The following FIRRM variants were observed in gnomAD, a reference collection of about 807,000 sequenced individuals.
FIRRM encodes the protein FIGNL1 interacting regulator of recombination and mitosis, also known as FIGNL1-interacting regulator of recombination and mitosis.
the FIRRM span, chr1:169,792,579 A>G: frequency 6.5e-7 from 1 of 1,528,156 alleles, no homozygotes; most frequent in African/African-American, 1.4e-5. Context: ...AATGTTAATT[A>G]ACCAGGAAAC....
the FIRRM span, among the ~76,000 whole-genome samples, chr1:169,834,932 AG>A: frequency 3.3e-5 from 5 of 152,216 alleles, no homozygotes; most frequent in Non-Finnish European, 5.9e-5. Context: ...GGGTGTTTGT[AG>A]CTGAGACAGT....
the FIRRM span, chr1:169,852,916 CT>C: frequency 6.2e-7 from 1 of 1,614,144 alleles, no homozygotes; most frequent in East Asian, 2.2e-5. Context: ...TCCAGCCTGG[CT>C]TTCAATGGAA....
chr1:169,844,492 G>A, the FIRRM span, among the ~76,000 whole-genome samples: 1 of 152,190 alleles, frequency 6.6e-6, no homozygotes, highest in African/African-American at 2.4e-5. Flanking sequence ...TCTTATTTAT[G>A]AAGATGATCG....
chr1:169,849,380 G>A, the FIRRM span: 1 of 676,564 alleles, frequency 1.5e-6, no homozygotes, highest in African/African-American at 1.8e-5. Context: ...GTTTTAGTGT[G>A]TGTCCCCTGG....
chr1:169,828,469 T>G, the FIRRM span, among the ~76,000 whole-genome samples: 1 of 152,180 alleles, frequency 6.6e-6, no homozygotes, highest in Admixed American at 6.5e-5. Context: ...ACATATTCCT[T>G]GCTTCTGTCA....
the FIRRM span, among the ~76,000 whole-genome samples, chr1:169,840,155 G>C: frequency 6.6e-6 from 1 of 152,160 alleles, no homozygotes; most frequent in African/African-American, 2.4e-5. Flanking sequence ...GTCAAGTCAC[G>C]TGATGCCTCT....
chr1:169,853,732 C>CT, the FIRRM span: 27 of 1,613,636 alleles, frequency 1.7e-5, no homozygotes, highest in South Asian at 2.9e-4. Flanking sequence ...ATTATCTTCC[C>CT]AGTTCAGCTC....
At chr1:169,843,730 A>AT in the FIRRM span, 2 of 1,612,196 alleles carry the variant, frequency 1.2e-6, no homozygotes, top group Non-Finnish European at 1.7e-6. Context: ...CACTGTTGGG[A>AT]TTTTTCATTC....
the FIRRM span, among the ~76,000 whole-genome samples, chr1:169,845,425 C>T: frequency 3.5e-4 from 54 of 152,164 alleles, no homozygotes; most frequent in African/African-American, 1.1e-3. Flanking sequence ...ACAATGAAGT[C>T]TGCCACATCA....
chr1:169,815,286 ACT>A, the FIRRM span, among the ~76,000 whole-genome samples: 1 of 146,760 alleles, frequency 6.8e-6, no homozygotes, highest in East Asian at 2.0e-4. Context: ...ACAGAGCAAG[ACT>A]CTGTCTCAAA....
chr1:169,786,622 C>T, the FIRRM span, among the ~76,000 whole-genome samples: 8 of 152,040 alleles, frequency 5.3e-5, no homozygotes, highest in Admixed American at 5.2e-4. Context: ...TTAAAATAAG[C>T]GCACCATCTA....
chr1:169,833,538 T>C, the FIRRM span, among the ~76,000 whole-genome samples: 2 of 152,204 alleles, frequency 1.3e-5, no homozygotes, highest in South Asian at 4.1e-4. Context: ...TTGTAAAGAC[T>C]TGGAAATAAT....
chr1:169,850,496 C>T, the FIRRM span: 1 of 581,642 alleles, frequency 1.7e-6, no homozygotes, highest in Non-Finnish European at 3.0e-6. Context: ...CAATTGAGGC[C>T]ACAGAAGTAA....
At chr1:169,807,966 C>T in the FIRRM span, 2 of 1,578,924 alleles carry the variant, frequency 1.3e-6, no homozygotes, top group Admixed American at 3.8e-5. Context: ...AACAGCAACT[C>T]TTATTTTCTT....
At chr1:169,808,659 C>T in the FIRRM span, among the ~76,000 whole-genome samples, 1 of 147,816 alleles carries the variant, frequency 6.8e-6, no homozygotes, top group Admixed American at 6.9e-5. Context: ...AGCTGGAGTG[C>T]AGTGGTATGA....
the FIRRM span, chr1:169,827,712 C>T: frequency 6.2e-7 from 1 of 1,613,890 alleles, no homozygotes; most frequent in East Asian, 2.2e-5. Context: ...ACATGTAAGA[C>T]CTGCCATGTG....
chr1:169,795,764 C>T, the FIRRM span: 6 of 985,296 alleles, frequency 6.1e-6, no homozygotes, highest in Non-Finnish European at 7.2e-6. Context: ...TCCTCCTTCC[C>T]CTCTCAGACC....
the FIRRM span, chr1:169,850,237 T>C: frequency 4.3e-5 from 63 of 1,458,128 alleles, no homozygotes; most frequent in Non-Finnish European, 5.5e-5. Flanking sequence ...AATGTTAAAA[T>C]TGGTCTTGTT....
chr1:169,843,602 T>A, the FIRRM span: 3 of 862,922 alleles, frequency 3.5e-6, no homozygotes, highest in South Asian at 1.4e-5. Flanking sequence ...TAATAAATGC[T>A]CAATAAAAGC....
Sources: allele counts gnomAD v4.1 joint callset (sites outside exome capture counted in the v4.1 genomes callset), GRCh38; gene constraint gnomAD v4.1.1; transcripts MANE v1.5; gene names NCBI Gene and HGNC (gene_info 2026-07-23, HGNC 2026-07-21).